The following SSBP3 variants were observed in gnomAD, a reference collection of about 807,000 sequenced individuals.
SSBP3 encodes single-stranded DNA-binding protein 3.
SSBP3 carries 5 observed loss-of-function variants against 69.6 expected under a neutral mutation model. The ratio of observed to expected loss-of-function variants is 0.07; its 90% CI spans 0.04 to 0.15. The LOEUF (loss-of-function observed/expected upper bound fraction) is 0.15. Ranked by LOEUF, SSBP3 falls within the 10% of genes least tolerant of loss-of-function variation. SSBP3 has a pLI of 1.00. For synonymous variants in SSBP3, 196 were observed against 193.4 expected (o/e 1.01, Z -0.11); for missense variants, 312 against 534.0 (o/e 0.58, Z 4.10).
In SSBP3 at chr1:54,258,614, A is replaced by C. The variant is rs1316289345; in HGVS notation, c.367-465T>G. Among the ~76,000 whole-genome samples, 1 of 152,120 alleles carries C rather than the reference A, an allele frequency of 6.6e-6. No homozygotes were observed. Among genetic ancestry groups the C allele is most frequent in the Non-Finnish European group, 1.5e-5 (1 of 68,020 alleles). On this transcript the variant is annotated intron_variant, in intron 5 of 17. Transcript: ENST00000610401. The surrounding 1 kb of genome is among the most constrained non-coding windows in gnomAD (Gnocchi z 4.5). ...CCTCAAGGAGCTCACAGTCTGGGGG[A>C]CAGTGACACGGCTATGGGTGACTCG...
At chr1:54,264,793 G>A (rs889020209) in intron 5 of SSBP3, among the ~76,000 whole-genome samples, 1 of 152,178 alleles carries the variant, frequency 6.6e-6, no homozygotes, top group Non-Finnish European at 1.5e-5. Flanking sequence ...GAGGAAAGGG[G>A]ACTTGAGGTT....
intron 4 of SSBP3, among the ~76,000 whole-genome samples, chr1:54,331,714 T>C (rs1400258355): frequency 6.6e-6 from 1 of 152,168 alleles, no homozygotes; most frequent in African/African-American, 2.4e-5. Context: ...CCCTGGATGG[T>C]CACCAAAAAG....
chr1:54,358,899 G>C (rs187019349), intron 4 of SSBP3, among the ~76,000 whole-genome samples: 74 of 152,278 alleles, frequency 4.9e-4, no homozygotes, highest in Non-Finnish European at 8.7e-4. Context: ...ACAGGCCTGG[G>C]AACGCAGTTA....
In SSBP3 at chr1:54,227,926, C is replaced by A. The variant is rs527648830; in HGVS notation, c.1137+329G>T. Among the ~76,000 whole-genome samples, 28 of 152,320 alleles carry A rather than the reference C, an allele frequency of 1.8e-4. No homozygotes were observed. The South Asian group carries it at 5.6e-3, about 30-fold the overall frequency. ...CCCTGAAAATCGTTGGCTGCACGAA[C>A]CTTTCCCCACTGGACAGATGGAAAT... On this transcript the variant is annotated intron_variant, in intron 17 of 17. Coordinates refer to ENST00000610401, the Ensembl canonical transcript of SSBP3.
At chr1:54,362,544 C>T (rs913404094) in intron 4 of SSBP3, among the ~76,000 whole-genome samples, 12 of 152,206 alleles carry the variant, frequency 7.9e-5, no homozygotes, top group Admixed American at 1.3e-4. Context: ...ACCCAGAAGG[C>T]GGAAGCCTCT....
intron 9 of SSBP3, among the ~76,000 whole-genome samples, chr1:54,247,568 G>C (rs78488723): frequency 6.6e-6 from 1 of 152,174 alleles, no homozygotes; most frequent in South Asian, 2.1e-4. Flanking sequence ...CAGGAGATGG[G>C]GGTGGCATAG....
At chr1:54,412,761 T>C (rs1199827167) in intron 1 of SSBP3, 3 of 152,140 alleles carry the variant, frequency 2.0e-5, no homozygotes, top group Non-Finnish European at 4.4e-5. Flanking sequence ...GTCGCTCCGT[T>C]TGGAGTGCAG....
intron 13 of SSBP3, 36 bp downstream of exon 13, chr1:54,240,869 C>T (rs202054237): frequency 1.4e-4 from 224 of 1,613,150 alleles, no homozygotes; most frequent in Non-Finnish European, 1.8e-4. Context: ...CACCCTCCAC[C>T]ACCAGACCCC....
intron 4 of SSBP3, among the ~76,000 whole-genome samples, chr1:54,290,749 C>T (rs920950654): frequency 1.3e-5 from 2 of 152,188 alleles, no homozygotes; most frequent in Non-Finnish European, 2.9e-5. Context: ...CATCTGGGCC[C>T]CATGGCACAG....
chr1:54,330,874 G>T (rs1293937142), intron 4 of SSBP3, among the ~76,000 whole-genome samples: 1 of 152,164 alleles, frequency 6.6e-6, no homozygotes, highest in Non-Finnish European at 1.5e-5. Flanking sequence ...CACCACCGTG[G>T]GTGCAGATCA....
At chr1:54,380,530 C>A (rs893271578) in intron 4 of SSBP3, among the ~76,000 whole-genome samples, 1 of 152,184 alleles carries the variant, frequency 6.6e-6, no homozygotes, top group Non-Finnish European at 1.5e-5. Context: ...GGAAAGAAGC[C>A]ATCTGTATCT....
intron 9 of SSBP3, among the ~76,000 whole-genome samples, chr1:54,248,206 C>T (rs1331317607): frequency 6.6e-6 from 1 of 152,310 alleles, no homozygotes. Flanking sequence ...CACCTTTGAG[C>T]CTGGTCTCAG....
chr1:54,386,448 A>G (rs947449245), intron 4 of SSBP3, among the ~76,000 whole-genome samples: 1 of 151,980 alleles, frequency 6.6e-6, no homozygotes, highest in African/African-American at 2.4e-5. Flanking sequence ...CCTCTGGCCA[A>G]TGAGGGGATC....
At chr1:54,346,454 T>C (rs183629359) in intron 4 of SSBP3, among the ~76,000 whole-genome samples, 11 of 152,248 alleles carry the variant, frequency 7.2e-5, no homozygotes, top group Non-Finnish European at 1.2e-4. Context: ...GGGGGTTGAA[T>C]TGTGTACCTC....
chr1:54,411,645 C>T (rs991273096), intron 1 of SSBP3, among the ~76,000 whole-genome samples: 1 of 151,988 alleles, frequency 6.6e-6, no homozygotes, highest in African/African-American at 2.4e-5. Flanking sequence ...GTAATCCCGG[C>T]ACTTGTGGAG....
At chr1:54,404,614 C>A in exon 3 of SSBP3, 1 of 1,613,850 alleles carries the variant, frequency 6.2e-7, no homozygotes, top group Non-Finnish European at 8.5e-7. Flanking sequence ...GTTCTCCCAA[C>A]GTGATGTTTT....
At chr1:54,319,737 G>A (rs1388087375) in intron 4 of SSBP3, among the ~76,000 whole-genome samples, 1 of 151,880 alleles carries the variant, frequency 6.6e-6, no homozygotes, top group Non-Finnish European at 1.5e-5. Context: ...GGCAGGTTCT[G>A]CATCAATTTA....
At chr1:54,389,254 T>C (rs1246731444) in intron 4 of SSBP3, among the ~76,000 whole-genome samples, 1 of 152,160 alleles carries the variant, frequency 6.6e-6, no homozygotes, top group Non-Finnish European at 1.5e-5. Flanking sequence ...AAATAAAATA[T>C]TTTCAAGCCT....
At chr1:54,283,716 C>A (rs1397773377) in intron 4 of SSBP3, among the ~76,000 whole-genome samples, 1 of 152,236 alleles carries the variant, frequency 6.6e-6, no homozygotes, top group Non-Finnish European at 1.5e-5. Flanking sequence ...CAAGAGCTAT[C>A]CTGCTAACCA....
Sources: gnomAD v4.1 joint callset for allele counts (sites outside exome capture counted in the v4.1 genomes callset) on GRCh38, gnomAD v4.1.1 for gene constraint, Gnocchi (gnomAD v3.1) non-coding constraint, MANE v1.5 for transcripts, NCBI Gene and HGNC (gene_info 2026-07-23, HGNC 2026-07-21) for gene names.